The following HMBOX1 variants were observed in gnomAD, a reference collection of about 807,000 sequenced individuals.
HMBOX1 encodes homeobox containing 1.
In HMBOX1, 14 loss-of-function variants were observed where a neutral mutation model predicts 54.5. The observed-to-expected ratio is 0.26, with a 90% CI of 0.17 to 0.40. The LOEUF (loss-of-function observed/expected upper bound fraction) is 0.40, where lower values mean the gene tolerates loss of function less well. HMBOX1 is among the 10% of genes least tolerant of loss of function. The pLI, the probability that HMBOX1 is intolerant of heterozygous loss-of-function variation, is 1.00. For synonymous variants in HMBOX1, 160 were observed against 181.0 expected (o/e 0.88, Z 0.93); for missense variants, 332 against 514.4 (o/e 0.65, Z 3.43).
At chr8:28,964,595 A>G (rs1826134664) in intron 2 of HMBOX1, among the ~76,000 whole-genome samples, 1 of 152,086 alleles carries the variant, frequency 6.6e-6, no homozygotes, top group Admixed American at 6.5e-5. Flanking sequence ...TAGCATAAGT[A>G]TTTTCTAAAA....
chr8:29,021,859 CA>C (rs36163977), intron 6 of HMBOX1, among the ~76,000 whole-genome samples: 1,076 of 103,008 alleles, frequency 0.01, 6 homozygotes, highest in Admixed American at 0.041. Flanking sequence ...GACTCCGTCT[CA>C]AAAAAAAAAA....
chr8:28,963,644 G>A (rs995400017), intron 1 of HMBOX1, among the ~76,000 whole-genome samples, 167 bp from the exon 2 acceptor site: 1 of 152,148 alleles, frequency 6.6e-6, no homozygotes, highest in African/African-American at 2.4e-5. Context: ...AATTGAAAGG[G>A]ATCAAAGTGT....
At chr8:29,031,373 G>C (rs1802937347) in intron 6 of HMBOX1, among the ~76,000 whole-genome samples, 1 of 152,086 alleles carries the variant, frequency 6.6e-6, no homozygotes, top group African/African-American at 2.4e-5. Context: ...TATGGCCTAT[G>C]TAAATTTGAA....
chr8:29,029,622 C>T (rs976177510), intron 6 of HMBOX1, among the ~76,000 whole-genome samples: 6 of 152,126 alleles, frequency 3.9e-5, no homozygotes, highest in African/African-American at 1.4e-4. Flanking sequence ...TTGTTTAGAT[C>T]AAGAACCTGT....
chr8:28,967,910 A>C (rs953830086), intron 2 of HMBOX1, among the ~76,000 whole-genome samples: 1 of 152,214 alleles, frequency 6.6e-6, no homozygotes, highest in Admixed American at 6.5e-5. Context: ...ATGGCCTGCA[A>C]CATGTTTAGG....
intron 1 of HMBOX1, among the ~76,000 whole-genome samples, chr8:28,942,471 C>T (rs1821614017): frequency 6.6e-6 from 1 of 152,040 alleles, no homozygotes; most frequent in South Asian, 2.1e-4. Context: ...CCTTACTGCC[C>T]CCATCCCTCA....
intron 2 of HMBOX1, among the ~76,000 whole-genome samples, chr8:28,966,495 G>A (rs1262502754): frequency 6.6e-6 from 1 of 152,044 alleles, no homozygotes; most frequent in Non-Finnish European, 1.5e-5. Context: ...ATTCTTACAT[G>A]TTATCTTTTT....
At chr8:29,020,785 G>A (rs1801028394) in intron 6 of HMBOX1, among the ~76,000 whole-genome samples, 2 of 152,264 alleles carry the variant, frequency 1.3e-5, no homozygotes, top group South Asian at 4.1e-4. Context: ...CCTATCCTTA[G>A]TATGACGCAT....
intron 3 of HMBOX1, among the ~76,000 whole-genome samples, chr8:28,973,504 T>C (rs1014986117): frequency 6.6e-6 from 1 of 152,192 alleles, no homozygotes; most frequent in African/African-American, 2.4e-5. Context: ...TTTTATTTAG[T>C]GGAATGTTAG....
intron 6 of HMBOX1, among the ~76,000 whole-genome samples, chr8:29,034,242 A>C (rs1200603724): frequency 6.6e-6 from 1 of 152,226 alleles, no homozygotes; most frequent in Non-Finnish European, 1.5e-5. Flanking sequence ...AAGTGGTCTT[A>C]GAGTATACTT....
intron 3 of HMBOX1, among the ~76,000 whole-genome samples, chr8:28,976,852 G>A (rs1828484748): frequency 6.6e-6 from 1 of 151,684 alleles, no homozygotes; most frequent in South Asian, 2.1e-4. Flanking sequence ...GATTACAGGG[G>A]CATGCCACCA....
At chr8:28,901,184 CCTT>C (rs1049807646) in intron 1 of HMBOX1, among the ~76,000 whole-genome samples, 2 of 152,082 alleles carry the variant, frequency 1.3e-5, no homozygotes, top group African/African-American at 4.8e-5. Context: ...ATACTCCCCT[CCTT>C]AATCTTTAGA....
chr8:29,005,929 T>G (rs1301842757), intron 4 of HMBOX1, among the ~76,000 whole-genome samples: 3 of 152,160 alleles, frequency 2.0e-5, no homozygotes, highest in Admixed American at 1.3e-4. Context: ...GTAGTTTATC[T>G]TTTTCTATTT....
chr8:29,015,995 T>C (rs1430856416), intron 5 of HMBOX1, among the ~76,000 whole-genome samples: 8 of 152,236 alleles, frequency 5.3e-5, no homozygotes, highest in African/African-American at 1.9e-4. Context: ...ACAAACTTAC[T>C]TGTTTAAGCA....
intron 1 of HMBOX1, among the ~76,000 whole-genome samples, chr8:28,918,083 T>A (rs1360056076): frequency 6.6e-6 from 1 of 152,234 alleles, no homozygotes; most frequent in East Asian, 1.9e-4. Context: ...TATTTCTTCA[T>A]TGAATATTTG....
chr8:29,020,093 G>T (rs527616656), intron 6 of HMBOX1, among the ~76,000 whole-genome samples: 2 of 152,232 alleles, frequency 1.3e-5, no homozygotes, highest in South Asian at 4.1e-4. Flanking sequence ...AGACATTATT[G>T]TCCTGGAGAC....
chr8:29,050,303 C>T, intron 9 of HMBOX1: 1 of 771,062 alleles, frequency 1.3e-6, no homozygotes, highest in Non-Finnish European at 1.6e-6. Context: ...GCCTGACGTA[C>T]ATCCTGCAAT....
At chr8:28,905,252 A>G (rs930477632) in intron 1 of HMBOX1, among the ~76,000 whole-genome samples, 5 of 152,200 alleles carry the variant, frequency 3.3e-5, no homozygotes, top group Admixed American at 6.5e-5. Flanking sequence ...GTTGTTGAAA[A>G]GAATTGTTTT....
At chr8:28,931,802 A>G (rs1819515904) in intron 1 of HMBOX1, among the ~76,000 whole-genome samples, 1 of 152,178 alleles carries the variant, frequency 6.6e-6, no homozygotes, top group South Asian at 2.1e-4. Flanking sequence ...TGGCCTCCCA[A>G]AGTGCTGGGA....
Sources: allele counts gnomAD v4.1 joint callset (sites outside exome capture counted in the v4.1 genomes callset), GRCh38; gene constraint gnomAD v4.1.1; transcripts MANE v1.5; gene names NCBI Gene and HGNC (gene_info 2026-07-23, HGNC 2026-07-21).